Variants in ITGA10 observed in about 807,000 individuals in gnomAD.
ITGA10 encodes the protein integrin alpha-10.
Under a neutral mutation model 145.2 loss-of-function variants are expected in ITGA10, and 105 were observed. The ratio of observed to expected loss-of-function variants is 0.72; its 90% confidence interval spans 0.62 to 0.85. The LOEUF (loss-of-function observed/expected upper bound fraction) is 0.85. Ranked by LOEUF, ITGA10 falls within the 40% of genes least tolerant of loss-of-function variation. The pLI, the probability that ITGA10 is intolerant of heterozygous loss-of-function variation, is 0.00. For missense variants in ITGA10, 1,317 were observed against 1,444.5 expected (o/e 0.91, Z 1.43); for synonymous variants, 506 against 557.8 (o/e 0.91, Z 1.31).
Position 145,893,151 on chromosome 1 carries a change from C to T in ITGA10, c.3438+10G>A, listed in dbSNP as rs587596797. On this transcript the variant is annotated intron_variant, in intron 29 of 29. Transcript: ENST00000369304. ...TCATGCTCCACACTCCCCACTAAAG[C>T]AGTGCTTACCTTCCACAGGCAGAAG... The T allele has an allele frequency of 6.3e-7, 1 of 1,577,610 alleles. No homozygotes were observed. The highest frequency in any genetic ancestry group is 8.7e-7 in the Non-Finnish European group (1 of 1,146,876).
At chr1:145,904,870 A>C in intron 5 of ITGA10, 59 bp from the exon 6 acceptor site, 1 of 1,565,356 alleles carries the variant, frequency 6.4e-7, no homozygotes, top group Non-Finnish European at 8.8e-7. Context: ...CAAGGGAAAG[A>C]GGTCACAGGA....
At chr1:145,896,622 G>A (rs920743877) in intron 23 of ITGA10, 147 bp downstream of exon 23, 4 of 730,694 alleles carry the variant, frequency 5.5e-6, no homozygotes, top group Non-Finnish European at 9.8e-6. Context: ...GGAAGATTCA[G>A]CATGAATAGG....
rs1553750121 is a variant in ITGA10 at position 145,903,987 on chromosome 1, C to T, written c.758+65G>A. On this transcript the variant is annotated intron_variant, in intron 7 of 29. Coordinates refer to ENST00000369304, the MANE Select transcript of ITGA10 (RefSeq NM_003637.5). ...ACAGGCGTGAGCCACCATGCCTGGC[C>T]CCGCCCTAACTCTTCTAAGCCTTCA... The T allele has an allele frequency of 1.9e-6, 3 of 1,587,212 alleles. No homozygotes were observed. The African/African-American group carries it at 4.0e-5, about 21-fold the overall frequency.
chr1:145,901,599 ATC>A lies in ITGA10; in HGVS notation c.1358_1359del (p.Arg453LeufsTer2). On this transcript the variant is annotated frameshift_variant, in exon 12 of 30. Coordinates refer to ENST00000369304, the MANE Select transcript of ITGA10 (RefSeq NM_003637.5). LOFTEE classifies it high-confidence loss of function. This position sits in a 1 kb window ranked among gnomAD's most constrained non-coding sequence, Gnocchi z 4.3. ...GRRLFLSGAP[R>X]FRHRGKVIAF... ...GCGATGACTTTTCCTCGATGTCTAA[ATC>A]GAGGAGCCCCAGAGAGAAACAGGCG... 1 of 1,607,468 alleles carries A rather than the reference ATC, an allele frequency of 6.2e-7. No individual in the cohort carries two copies.
chr1:145,903,062 CACACAG>C, intron 7 of ITGA10, 101 bp from the exon 8 acceptor site: 2 of 995,484 alleles, frequency 2.0e-6, no homozygotes, highest in Non-Finnish European at 2.9e-6. Flanking sequence ...CACACACACA[CACACAG>C]GATTTAACAT....
At chr1:145,906,322 C>A (rs944113524) in intron 5 of ITGA10, 72 bp downstream of exon 5, 9 of 1,147,052 alleles carry the variant, frequency 7.8e-6, no homozygotes, top group Non-Finnish European at 1.2e-5. Context: ...GGCATCATAC[C>A]GCTTTGCCCC....
chr1:145,902,777 C>T, intron 8 of ITGA10, 34 bp downstream of exon 8: 2 of 1,589,370 alleles, frequency 1.3e-6, no homozygotes, highest in Non-Finnish European at 1.7e-6. Context: ...CCCTGCCACT[C>T]CCCAACTCTT....
Position 145,901,218 on chromosome 1 carries a change from C to G in ITGA10, c.1504G>C (p.Asp502His). The G allele has an allele frequency of 1.9e-6, 3 of 1,614,114 alleles. No homozygotes were observed. The highest frequency in any genetic ancestry group is 2.5e-6 in the Non-Finnish European group (3 of 1,180,020). ...PLDTDRDGTT[D>H]VLLVAAPMFL... ...ATGGGGGCAGCCACAAGTAAGACAT[C>G]AGTTGTTCCATCCCTATCTGTATCC... Residue 502 changes from aspartate (D) to histidine (H), a missense_variant, in exon 13 of 30, where the codon GAT becomes CAT. Asp to His is a moderately conservative substitution (Grantham distance 81). Coordinates refer to ENST00000369304, the MANE Select transcript of ITGA10 (RefSeq NM_003637.5). The surrounding 1 kb of genome is among the most constrained non-coding windows in gnomAD (Gnocchi z 4.3).
chr1:145,895,755 G>A (rs781831657), intron 25 of ITGA10, 44 bp from the exon 26 acceptor site: 11 of 1,558,864 alleles, frequency 7.1e-6, no homozygotes, highest in East Asian at 4.5e-5. Flanking sequence ...ATGGGGTGGC[G>A]CTAGCCACTC....
Position 145,891,891 on chromosome 1 carries a change from C to G in ITGA10, c.*907G>C, listed in dbSNP as rs1299572674. ...TCCCATCATCAAGTAGCAGTACTCT[C>G]TCTCCTGTCTGCTTTCTAAGCAGGC... On this transcript the variant is annotated 3_prime_UTR_variant, in exon 30 of 30. Coordinates refer to ENST00000369304, the MANE Select transcript of ITGA10 (RefSeq NM_003637.5). The G allele has an allele frequency of 6.6e-6, 1 of 152,288 alleles. No homozygotes were observed. Among genetic ancestry groups the G allele is most frequent in the Non-Finnish European group, 1.5e-5 (1 of 68,070 alleles). The allele number at this position is 152,288 out of a possible 1,614,324, so 9.4% of individuals were successfully genotyped here. A position where few individuals can be genotyped will look rare whatever the true frequency, so the allele number is the denominator to read the frequency against.
At chr1:145,895,486 A>T (rs1553744602) in intron 26 of ITGA10, 93 bp from the exon 27 acceptor site, 1 of 1,349,172 alleles carries the variant, frequency 7.4e-7, no homozygotes, top group East Asian at 2.4e-5. Flanking sequence ...GTCCCAAGGC[A>T]CCTGACTCCA....
At chr1:145,894,331 C>T (rs1553744177) in intron 27 of ITGA10, among the ~76,000 whole-genome samples, 1 of 151,920 alleles carries the variant, frequency 6.6e-6, no homozygotes, top group Admixed American at 6.6e-5. Context: ...AGGATGGTCT[C>T]GATCTCCTGA....
chr1:145,901,209 G>A lies in ITGA10; in HGVS notation c.1513C>T (p.Leu505Phe), dbSNP rs1447035508. Reference protein sequence around the residue: ...TDRDGTTDVLLVAAPMFLGPQ... With the variant: ...TDRDGTTDVLFVAAPMFLGPQ... ...CCCAGGAACATGGGGGCAGCCACAAGTAAGACATCAGTTGTTCCATCCCTA... is the reference window on the plus strand; with the variant it reads ...CCCAGGAACATGGGGGCAGCCACAAATAAGACATCAGTTGTTCCATCCCTA... Residue 505 changes from leucine (L) to phenylalanine (F), a missense_variant, in exon 13 of 30, where the codon CTT (leucine) becomes TTT (phenylalanine). Leu to Phe is a conservative substitution (Grantham distance 22). Coordinates refer to ENST00000369304, the MANE Select transcript of ITGA10 (RefSeq NM_003637.5). The surrounding 1 kb of genome is among the most constrained non-coding windows in gnomAD (Gnocchi z 4.3). 21 of 1,614,114 alleles carry A rather than the reference G, an allele frequency of 1.3e-5. No individual in the cohort carries two copies. The highest frequency in any genetic ancestry group is 1.6e-5 in the Non-Finnish European group (19 of 1,180,028).
In ITGA10 at chr1:145,906,803, G is replaced by A. The variant is rs587745961; in HGVS notation, c.296C>T (p.Ser99Leu). ...GTGCATATTCACAGCAGGATGAGAT[G>A]AATTTCCCAGTTGGTAGTCACCTGG... is the stretch of plus-strand genomic sequence containing the variant. ...GHLGDYQLGN[S>L]SHPAVNMHLG... Residue 99 changes from serine (S) to leucine (L), a missense_variant, in exon 4 of 30, where the codon TCA (serine) becomes TTA (leucine). By Grantham distance (145) the Ser-to-Leu change is moderately radical. Coordinates refer to ENST00000369304, the MANE Select transcript of ITGA10 (RefSeq NM_003637.5). The A allele has an allele frequency of 6.2e-7, 1 of 1,613,418 alleles. No homozygotes were observed. The highest frequency in any genetic ancestry group is 8.5e-7 in the Non-Finnish European group (1 of 1,179,576).
At chr1:145,903,441 T>C (rs1352709613) in intron 7 of ITGA10, among the ~76,000 whole-genome samples, 1 of 152,112 alleles carries the variant, frequency 6.6e-6, no homozygotes, top group East Asian at 1.9e-4. Flanking sequence ...AGGATCATTG[T>C]TGGAGTGGAG....
intron 21 of ITGA10, 38 bp downstream of exon 21, chr1:145,897,209 C>G (rs1553745499): frequency 6.2e-7 from 1 of 1,603,204 alleles, no homozygotes; most frequent in African/African-American, 1.3e-5. Flanking sequence ...AGCCTCTGCC[C>G]TCCTAGAGCC....
chr1:145,898,990 C>A lies in ITGA10; in HGVS notation c.2178G>T (p.Arg726Ser). 6.2e-7 allele frequency: 1 copy of A among 1,614,212 alleles called. No individual in the cohort carries two copies. The highest frequency in any genetic ancestry group is 1.1e-5 in the South Asian group (1 of 91,080). The part of the protein sequence containing the change: ...DGSGQRLSPR[R>S]LRLSVGNVTC... Reference sequence around the variant, plus strand: ...TGACATTCCCCACACTGAGCCGGAGCCTCCGAGGGGACAACCTCTGGCCAG... The same window carrying A: ...TGACATTCCCCACACTGAGCCGGAGACTCCGAGGGGACAACCTCTGGCCAG... The change falls in exon 17 of 30, where the codon AGG becomes AGT. Residue 726 changes from arginine (R) to serine (S), a missense_variant. Physicochemically the swap from Arg to Ser is moderately radical, Grantham distance 110. Transcript: ENST00000369304.
intron 2 of ITGA10, 76 bp downstream of exon 2, chr1:145,907,278 A>G (rs1657285096): frequency 6.2e-7 from 1 of 1,610,822 alleles, no homozygotes; most frequent in South Asian, 1.1e-5. Context: ...ATTAGTTTAG[A>G]GTCCCATCTA....
chr1:145,899,486 G>T, intron 15 of ITGA10, 145 bp from the exon 16 acceptor site: 2 of 854,250 alleles, frequency 2.3e-6, no homozygotes, highest in Non-Finnish European at 3.7e-6. Flanking sequence ...TCTGACAGAA[G>T]TAAGATAATA....
Sources: allele counts gnomAD v4.1 joint callset (sites outside exome capture counted in the v4.1 genomes callset), GRCh38; gene constraint gnomAD v4.1.1; non-coding constraint Gnocchi (gnomAD v3.1); transcripts MANE v1.5; gene names NCBI Gene and HGNC (gene_info 2026-07-23, HGNC 2026-07-21).